ITGB3BP: variants seen among roughly 807,000 people sequenced by gnomAD.
ITGB3BP encodes the protein integrin subunit beta 3 binding protein, also known as centromere protein R.
Under a neutral mutation model 29.1 loss-of-function variants are expected in ITGB3BP, and 27 were observed. The ratio of observed to expected loss-of-function variants is 0.93; its 90% CI spans 0.68 to 1.28. The LOEUF is 1.28. Ranked by LOEUF, ITGB3BP falls within the 50% of genes most tolerant of loss-of-function variation. The pLI is 0.00. For missense variants in ITGB3BP, 192 were observed against 200.2 expected, an observed-to-expected ratio of 0.96 and a Z score of 0.25; for synonymous variants, 61 against 61.4, an observed-to-expected ratio of 0.99 and a Z score of 0.03.
chr1:63,519,752 C>T (rs1646408941), intron 1 of ITGB3BP, among the ~76,000 whole-genome samples: 1 of 152,014 alleles, frequency 6.6e-6, no homozygotes, highest in Non-Finnish European at 1.5e-5. Context: ...AATCATTGTA[C>T]CTGGCAGTAG....
intron 2 of ITGB3BP, among the ~76,000 whole-genome samples, chr1:63,500,097 C>T (rs1025410702): frequency 2.0e-5 from 3 of 151,960 alleles, no homozygotes; most frequent in South Asian, 2.1e-4. Context: ...CTAAGTAGGG[C>T]GGGGGGGCTG....
At chr1:63,465,600 G>T (rs1479281900) in intron 4 of ITGB3BP, among the ~76,000 whole-genome samples, 1 of 151,758 alleles carries the variant, frequency 6.6e-6, no homozygotes, top group Non-Finnish European at 1.5e-5. Context: ...TCCCTATGTT[G>T]CTCAGGCTTG....
intron 1 of ITGB3BP, chr1:63,510,162 C>T: frequency 3.7e-6 from 2 of 546,322 alleles, no homozygotes; most frequent in East Asian, 3.2e-5. Flanking sequence ...TGCACTCTAG[C>T]CTGGGCAACG....
intron 3 of ITGB3BP, among the ~76,000 whole-genome samples, chr1:63,484,204 C>G (rs1051035073): frequency 6.6e-6 from 1 of 152,048 alleles, no homozygotes; most frequent in African/African-American, 2.4e-5. Context: ...TTCCATAGCA[C>G]TTACATTGTA....
intron 2 of ITGB3BP, among the ~76,000 whole-genome samples, chr1:63,505,289 T>G (rs1308634293): frequency 6.6e-6 from 1 of 152,204 alleles, no homozygotes; most frequent in Non-Finnish European, 1.5e-5. Context: ...ATTTTCTAGT[T>G]TATTTGCGTA....
chr1:63,472,472 C>A (rs931668730), intron 4 of ITGB3BP, among the ~76,000 whole-genome samples: 2 of 148,400 alleles, frequency 1.3e-5, no homozygotes, highest in African/African-American at 5.0e-5. Flanking sequence ...CTCCCCTCTC[C>A]CCTCTCTCCT....
At chr1:63,493,309 G>A (rs1645705337) in intron 2 of ITGB3BP, among the ~76,000 whole-genome samples, 2 of 152,020 alleles carry the variant, frequency 1.3e-5, no homozygotes, top group Admixed American at 1.3e-4. Context: ...TAGCTACTCA[G>A]GAGGCTGAGG....
chr1:63,499,244 C>A (rs1645866211), intron 2 of ITGB3BP, among the ~76,000 whole-genome samples: 2 of 150,918 alleles, frequency 1.3e-5, no homozygotes, highest in African/African-American at 4.9e-5. Flanking sequence ...TCACCGCAAC[C>A]TCCGTATCCC....
intron 2 of ITGB3BP, among the ~76,000 whole-genome samples, chr1:63,493,275 G>A (rs1645704208): frequency 6.6e-6 from 1 of 151,950 alleles, no homozygotes; most frequent in African/African-American, 2.4e-5. Flanking sequence ...AAATTAGCCA[G>A]GCATGGTGGC....
intron 1 of ITGB3BP, among the ~76,000 whole-genome samples, chr1:63,514,937 T>G (rs10789142): frequency 0.41 from 49,092 of 118,678 alleles, 8,630 homozygotes; most frequent in South Asian, 0.56. Context: ...AGAGCGAGAC[T>G]CTGTCTCAAA....
At chr1:63,479,275 C>T (rs375278157) in intron 3 of ITGB3BP, among the ~76,000 whole-genome samples, 1 of 151,890 alleles carries the variant, frequency 6.6e-6, no homozygotes, top group African/African-American at 2.4e-5. Context: ...TTAAGTTCCT[C>T]GTAATATCAT....
At chr1:63,506,920 A>G (rs1489798901) in intron 2 of ITGB3BP, among the ~76,000 whole-genome samples, 4 of 152,222 alleles carry the variant, frequency 2.6e-5, no homozygotes, top group Admixed American at 2.6e-4. Flanking sequence ...GGGCTAAGGC[A>G]GCCTCAATGG....
intron 2 of ITGB3BP, among the ~76,000 whole-genome samples, chr1:63,492,937 C>T (rs991457493): frequency 1.3e-5 from 2 of 151,258 alleles, no homozygotes; most frequent in East Asian, 3.9e-4. Flanking sequence ...GACAAAACCC[C>T]GTCTCCACAA....
chr1:63,510,283 T>C (rs925090209), intron 1 of ITGB3BP: 1 of 396,520 alleles, frequency 2.5e-6, no homozygotes, highest in Non-Finnish European at 4.5e-6. Flanking sequence ...TAAGATGCAA[T>C]AGTATCTTTT....
chr1:63,448,214 G>A (rs1016668147), intron 7 of ITGB3BP, among the ~76,000 whole-genome samples: 8 of 144,352 alleles, frequency 5.5e-5, no homozygotes, highest in Admixed American at 4.8e-4. Context: ...AGCATTAGGA[G>A]ATATACCTAA....
intron 1 of ITGB3BP, among the ~76,000 whole-genome samples, chr1:63,509,684 C>A (rs928674983): frequency 3.9e-5 from 6 of 152,270 alleles, no homozygotes; most frequent in Non-Finnish European, 8.8e-5. Context: ...CCTATCACAA[C>A]ATTATTTCTT....
chr1:63,525,658 T>C (rs138244713), upstream of ITGB3BP: 1 of 1,601,886 alleles, frequency 6.2e-7, no homozygotes, highest in Non-Finnish European at 8.5e-7. Flanking sequence ...AAATTTCCAC[T>C]AACTGAAGAG....
intron 1 of ITGB3BP, among the ~76,000 whole-genome samples, chr1:63,514,075 A>G (rs1031060112): frequency 2.0e-5 from 3 of 152,152 alleles, no homozygotes. Flanking sequence ...CTACTTTTCT[A>G]ATTTTTTCCA....
chr1:63,506,045 C>T (rs187914735), intron 2 of ITGB3BP, among the ~76,000 whole-genome samples: 4 of 152,296 alleles, frequency 2.6e-5, no homozygotes. Context: ...TGGTGCAGAA[C>T]TGAGTTCAAT....
Sources: allele counts gnomAD v4.1 joint callset (sites outside exome capture counted in the v4.1 genomes callset), GRCh38; gene constraint gnomAD v4.1.1; transcripts MANE v1.5; gene names NCBI Gene and HGNC (gene_info 2026-07-23, HGNC 2026-07-21).